The following BANP variants were observed in gnomAD, a reference collection of about 807,000 sequenced individuals.
BANP encodes protein BANP.
A neutral mutation model predicts 68.1 loss-of-function variants in BANP; 11 were observed. The ratio of observed to expected loss-of-function variants is 0.16; its 90% CI spans 0.10 to 0.27. BANP has a LOEUF of 0.27. BANP is among the 10% of genes least tolerant of loss of function. BANP has a pLI of 1.00. For missense variants in BANP, 504 were observed against 722.7 expected (o/e 0.70, Z 3.47); for synonymous variants, 329 against 303.2 (o/e 1.09, Z -0.88).
intron 1 of BANP, among the ~76,000 whole-genome samples, chr16:87,962,577 C>T (rs905075187): frequency 6.6e-6 from 1 of 152,100 alleles, no homozygotes; most frequent in Non-Finnish European, 1.5e-5. Flanking sequence ...TATGCATGCT[C>T]AGGTGAAATT....
chr16:88,070,544 C>T (rs985564296), intron 12 of BANP, among the ~76,000 whole-genome samples: 1 of 152,164 alleles, frequency 6.6e-6, no homozygotes, highest in Non-Finnish European at 1.5e-5. Flanking sequence ...GGCTGGTGTG[C>T]TCGCAAGTCG....
intron 11 of BANP, among the ~76,000 whole-genome samples, chr16:88,051,832 T>C (rs2083329317): frequency 6.6e-6 from 1 of 152,212 alleles, no homozygotes; most frequent in African/African-American, 2.4e-5. Flanking sequence ...CAGTTTTCTT[T>C]CCTATATTAA....
At chr16:88,008,365 G>A (rs1952477567) in intron 6 of BANP, among the ~76,000 whole-genome samples, 1 of 152,212 alleles carries the variant, frequency 6.6e-6, no homozygotes, top group Non-Finnish European at 1.5e-5. Flanking sequence ...GAGGAAAGGA[G>A]GGATGCTCCT....
At chr16:88,073,809 G>C (rs1283740179) in intron 13 of BANP, among the ~76,000 whole-genome samples, 1 of 152,250 alleles carries the variant, frequency 6.6e-6, no homozygotes, top group Non-Finnish European at 1.5e-5. Context: ...TCCGATTTCA[G>C]AATTGAACAA....
chr16:88,026,832 C>T (rs1325771728), intron 7 of BANP, among the ~76,000 whole-genome samples: 1 of 152,060 alleles, frequency 6.6e-6, no homozygotes, highest in Non-Finnish European at 1.5e-5. Context: ...TAACAATACA[C>T]ACCTGAATTT....
chr16:87,979,395 G>A (rs370012314), intron 2 of BANP, among the ~76,000 whole-genome samples: 1 of 152,194 alleles, frequency 6.6e-6, no homozygotes, highest in Non-Finnish European at 1.5e-5. Flanking sequence ...GGTGGGTGCT[G>A]TGACCTTGTT....
At chr16:88,034,517 A>G (rs1198189219) in intron 9 of BANP, among the ~76,000 whole-genome samples, 2 of 152,198 alleles carry the variant, frequency 1.3e-5, no homozygotes, top group Non-Finnish European at 1.5e-5. Context: ...AACTGTCTAA[A>G]TAGTCATATG....
intron 1 of BANP, among the ~76,000 whole-genome samples, chr16:87,968,531 T>G (rs1567609345): frequency 6.6e-6 from 1 of 152,118 alleles, no homozygotes; most frequent in Non-Finnish European, 1.5e-5. Flanking sequence ...TAATCTTTGC[T>G]TCTGGTTCTT....
At chr16:88,001,544 G>A (rs1481912039) in intron 4 of BANP, among the ~76,000 whole-genome samples, 1 of 152,218 alleles carries the variant, frequency 6.6e-6, no homozygotes, top group Non-Finnish European at 1.5e-5. Flanking sequence ...GTATTCTTTT[G>A]TGCAATTTGA....
chr16:87,963,772 C>G (rs561631844), intron 1 of BANP, among the ~76,000 whole-genome samples: 2 of 152,216 alleles, frequency 1.3e-5, no homozygotes, highest in Non-Finnish European at 2.9e-5. Context: ...TACAGGAAGC[C>G]TGGCTTGACT....
At chr16:88,058,918 C>T (rs1180637084) in intron 11 of BANP, among the ~76,000 whole-genome samples, 1 of 152,150 alleles carries the variant, frequency 6.6e-6, no homozygotes, top group Non-Finnish European at 1.5e-5. Context: ...TAAAGTGGCC[C>T]CTGCCGGCTT....
intron 13 of BANP, among the ~76,000 whole-genome samples, chr16:88,073,165 G>T (rs2090781520): frequency 6.6e-6 from 1 of 152,256 alleles, no homozygotes; most frequent in South Asian, 2.1e-4. Context: ...TGAAGAAGTG[G>T]GCTCGGTAGA....
chr16:88,060,847 G>A (rs181882040), intron 11 of BANP, among the ~76,000 whole-genome samples: 67 of 151,972 alleles, frequency 4.4e-4, no homozygotes, highest in Non-Finnish European at 3.8e-4. Flanking sequence ...CCCACTCTTC[G>A]TCGTCCCCTG....
rs982741714 is a variant in BANP at position 88,064,261 on chromosome 16, G to A, written c.1312-1006G>A. Among the ~76,000 whole-genome samples the A allele has an allele frequency of 6.6e-6, 1 of 152,178 alleles. No individual in the cohort carries two copies. The highest frequency in any genetic ancestry group is 1.5e-5 in the Non-Finnish European group (1 of 68,020). On this transcript the variant is annotated intron_variant, in intron 11 of 13. Transcript: ENST00000682872. The surrounding 1 kb of genome is among the most constrained non-coding windows in gnomAD (Gnocchi z 4.5). ...GATGTTGAGGCAGTTGTGCGTCCAC[G>A]GCGGGGCCTGCCTCCGTGGCAGCGC... is the stretch of plus-strand genomic sequence containing the variant.
rs1365823311 is a variant in BANP at position 88,064,533 on chromosome 16, G to A, written c.1312-734G>A. On this transcript the variant is annotated intron_variant, in intron 11 of 13. Transcript: ENST00000682872. The surrounding 1 kb of genome is among the most constrained non-coding windows in gnomAD (Gnocchi z 4.5). ...TCCCAGGATGCGGCTAGGCGTCCAG[G>A]CCAGCATCGGGTTGGCTGAGGGTTT... Among the ~76,000 whole-genome samples the A allele has an allele frequency of 6.6e-6, 1 of 152,274 alleles. No homozygotes were observed. Among genetic ancestry groups the A allele is most frequent in the African/African-American group, 2.4e-5 (1 of 41,478 alleles).
At chr16:88,001,571 G>A (rs1315472582) in intron 4 of BANP, among the ~76,000 whole-genome samples, 1 of 152,194 alleles carries the variant, frequency 6.6e-6, no homozygotes, top group Non-Finnish European at 1.5e-5. Context: ...TTTAAATCGC[G>A]TTAGTTGAAA....
At chr16:87,992,671 G>GT (rs1216790932) in intron 4 of BANP, among the ~76,000 whole-genome samples, 17 of 151,878 alleles carry the variant, frequency 1.1e-4, no homozygotes, top group Non-Finnish European at 1.5e-4. Context: ...GCGGGCGCCT[G>GT]TAGTCTCAGC....
At chr16:87,983,913 C>A (rs3815818) in intron 3 of BANP, 147 bp from the exon 4 acceptor site, 24 of 1,267,328 alleles carry the variant, frequency 1.9e-5, no homozygotes, top group African/African-American at 3.1e-5. Context: ...GTTTCTGGCT[C>A]ATAGCTCACG....
chr16:88,027,797 G>T, intron 8 of BANP, 147 bp downstream of exon 8: 2 of 982,892 alleles, frequency 2.0e-6, no homozygotes, highest in Non-Finnish European at 3.0e-6. Context: ...GCACGGAGCA[G>T]TGGAGCCGCA....
Sources: gnomAD v4.1 joint callset for allele counts (sites outside exome capture counted in the v4.1 genomes callset) on GRCh38, gnomAD v4.1.1 for gene constraint, Gnocchi (gnomAD v3.1) non-coding constraint, MANE v1.5 for transcripts, NCBI Gene and HGNC (gene_info 2026-07-23, HGNC 2026-07-21) for gene names.